The following TJP2 variants were observed in gnomAD, a reference collection of about 807,000 sequenced individuals.
TJP2 encodes tight junction protein 2, also known as Friedreich ataxia region gene X104 (tight junction protein ZO-2).
TJP2 carries 91 observed loss-of-function variants against 133.1 expected under a neutral mutation model. That is an observed-to-expected ratio of 0.68 (90% CI 0.58 to 0.81). TJP2 has a LOEUF of 0.81. Among genes scored for constraint, TJP2 ranks in the 40% least tolerant of loss-of-function variants. The probability of loss-of-function intolerance (pLI) is 0.00; values close to 1 mark genes in which losing one functional copy is unlikely to be tolerated. For missense variants in TJP2, 1,541 were observed against 1,565.6 expected, an observed-to-expected ratio of 0.98 and a Z score of 0.26; for synonymous variants, 592 against 583.4, an observed-to-expected ratio of 1.01 and a Z score of -0.21.
At chr9:69,216,820 T>A (rs1174808944) in intron 3 of TJP2, among the ~76,000 whole-genome samples, 1 of 152,178 alleles carries the variant, frequency 6.6e-6, no homozygotes, top group African/African-American at 2.4e-5. Context: ...ATTTATATTC[T>A]TTAAGAATTT....
intron 2 of TJP2, among the ~76,000 whole-genome samples, chr9:69,158,543 ACTTCCCTTAGCT>A (rs899304298): frequency 3.3e-5 from 5 of 151,924 alleles, no homozygotes; most frequent in African/African-American, 1.2e-4. Context: ...AAATAAAAGC[ACTTCCCTTAGCT>A]CTTCCCTTAA....
At chr9:69,240,902 A>AT (rs61354183) in intron 17 of TJP2, among the ~76,000 whole-genome samples, 8 of 151,946 alleles carry the variant, frequency 5.3e-5, no homozygotes, top group African/African-American at 7.3e-5. Flanking sequence ...TAATATTGTG[A>AT]TTTTTTTAAA....
chr9:69,243,000 A>G (rs1404701958), intron 17 of TJP2, among the ~76,000 whole-genome samples: 1 of 152,084 alleles, frequency 6.6e-6, no homozygotes, highest in African/African-American at 2.4e-5. Context: ...AGTAGCTGGG[A>G]CTACAGGCAC....
chr9:69,191,682 A>G (rs149631048), intron 1 of TJP2, among the ~76,000 whole-genome samples: 35 of 152,334 alleles, frequency 2.3e-4, no homozygotes, highest in African/African-American at 7.2e-4. Context: ...CTTTGTTTTC[A>G]AAGTCTGATG....
intron 1 of TJP2, among the ~76,000 whole-genome samples, chr9:69,187,252 T>A (rs1564415766): frequency 6.6e-6 from 1 of 152,240 alleles, no homozygotes; most frequent in Non-Finnish European, 1.5e-5. Flanking sequence ...ATTGCATTGT[T>A]GTTCTGAATT....
chr9:69,247,143 A>G (rs1372776537), intron 18 of TJP2, among the ~76,000 whole-genome samples: 1 of 152,224 alleles, frequency 6.6e-6, no homozygotes, highest in Admixed American at 6.5e-5. Context: ...GAGGTTGAGC[A>G]ACTTGGAGAA....
At chr9:69,161,129 G>A (rs1400542815) in intron 2 of TJP2, among the ~76,000 whole-genome samples, 1 of 152,204 alleles carries the variant, frequency 6.6e-6, no homozygotes, top group African/African-American at 2.4e-5. Context: ...TTCAACGGAT[G>A]GGAAGTATCT....
At position 69,158,043 on chromosome 9, in the gene TJP2, G is replaced by A. The variant is rs544222464; in HGVS notation, c.-10+6272G>A. ...GCAGGCACAGTGGCTGGCCGGGTGC[G>A]GTGATTCACTCCTGTAATCCCAGCA... On this transcript the variant is annotated intron_variant, in intron 2 of 5. Coordinates refer to the TJP2 transcript ENST00000423935. 6.6e-4 allele frequency among the ~76,000 whole-genome samples: 99 copies of A among 151,046 alleles called. No individual in the cohort carries two copies. In the South Asian group the frequency reaches 0.019, roughly 30 times the overall value.
chr9:69,221,663 C>G (rs993737377), intron 5 of TJP2, among the ~76,000 whole-genome samples, 167 bp downstream of exon 5: 4 of 151,764 alleles, frequency 2.6e-5, no homozygotes, highest in African/African-American at 9.7e-5. Flanking sequence ...AAGTGATTCT[C>G]CTGCCTCAGC....
intron 2 of TJP2, among the ~76,000 whole-genome samples, chr9:69,158,886 G>T (rs1045753050): frequency 9.2e-5 from 14 of 152,050 alleles, no homozygotes; most frequent in Non-Finnish European, 1.8e-4. Flanking sequence ...TGAATGGTTG[G>T]TGACAAAACT....
At chr9:69,128,808 G>C (rs1012482276) in intron 1 of TJP2, among the ~76,000 whole-genome samples, 1 of 152,226 alleles carries the variant, frequency 6.6e-6, no homozygotes, top group Admixed American at 6.5e-5. Context: ...TTACAGGCGT[G>C]AGCCACTGCG....
chr9:69,164,817 GA>G (rs1270332145), intron 2 of TJP2, among the ~76,000 whole-genome samples: 6 of 152,104 alleles, frequency 3.9e-5, no homozygotes. Flanking sequence ...GAATCTGACA[GA>G]CCTGGACCTG....
intron 17 of TJP2, among the ~76,000 whole-genome samples, chr9:69,245,672 A>G (rs1173861990): frequency 1.3e-5 from 2 of 152,178 alleles, no homozygotes; most frequent in African/African-American, 4.8e-5. Flanking sequence ...TAATTTCACT[A>G]CTTTACCTTG....
chr9:69,218,959 T>G (rs1340633381), intron 4 of TJP2, among the ~76,000 whole-genome samples: 1 of 135,622 alleles, frequency 7.4e-6, no homozygotes, highest in Non-Finnish European at 1.6e-5. Flanking sequence ...TGGTTGTGTG[T>G]GTGTGTGTGT....
intron 1 of TJP2, among the ~76,000 whole-genome samples, chr9:69,131,589 T>C (rs1210721534): frequency 6.6e-6 from 1 of 152,216 alleles, no homozygotes; most frequent in African/African-American, 2.4e-5. Flanking sequence ...TTCTCTGTTA[T>C]CATTTGGGGC....
chr9:69,152,427 C>G (rs1288235325), intron 2 of TJP2, among the ~76,000 whole-genome samples: 1 of 152,090 alleles, frequency 6.6e-6, no homozygotes, highest in Non-Finnish European at 1.5e-5. Context: ...TTTTCATGTG[C>G]TTGTTTTATA....
At chr9:69,201,057 G>A (rs910235606) in intron 1 of TJP2, among the ~76,000 whole-genome samples, 1 of 152,144 alleles carries the variant, frequency 6.6e-6, no homozygotes, top group Admixed American at 6.5e-5. Flanking sequence ...GTGGGCTCTT[G>A]TACTTGCACT....
intron 21 of TJP2, among the ~76,000 whole-genome samples, 177 bp from the exon 22 acceptor site, chr9:69,252,638 C>T (rs549554333): frequency 5.9e-5 from 9 of 152,226 alleles, no homozygotes; most frequent in South Asian, 2.1e-4. Context: ...TCCTGTCTGA[C>T]GTGTACCGCA....
chr9:69,185,557 G>A (rs2133028570), intron 1 of TJP2, among the ~76,000 whole-genome samples: 1 of 152,212 alleles, frequency 6.6e-6, no homozygotes, highest in East Asian at 1.9e-4. Context: ...GTAAGTTAAT[G>A]TAGAGCTGAA....
Sources: gnomAD v4.1 joint callset for allele counts (sites outside exome capture counted in the v4.1 genomes callset) on GRCh38, gnomAD v4.1.1 for gene constraint, MANE v1.5 for transcripts, NCBI Gene and HGNC (gene_info 2026-07-23, HGNC 2026-07-21) for gene names.